PPARD: variants seen among roughly 807,000 people sequenced by gnomAD.
The protein encoded by PPARD is peroxisome proliferator activated receptor delta.
PPARD carries 6 observed loss-of-function variants against 39.5 expected under a neutral mutation model. The ratio of observed to expected loss-of-function variants is 0.15; its 90% CI spans 0.08 to 0.30. The LOEUF is 0.30. PPARD is among the 10% of genes least tolerant of loss of function. The probability of loss-of-function intolerance (pLI) is 1.00; values close to 1 mark genes in which losing one functional copy is unlikely to be tolerated. For missense variants in PPARD, 397 were observed against 596.8 expected, an observed-to-expected ratio of 0.67 and a Z score of 3.49; for synonymous variants, 210 against 231.3, an observed-to-expected ratio of 0.91 and a Z score of 0.83.
chr6:35,396,745 G>T (rs186539231), intron 2 of PPARD, among the ~76,000 whole-genome samples: 1 of 151,812 alleles, frequency 6.6e-6, no homozygotes, highest in African/African-American at 2.4e-5. Flanking sequence ...CAGGAGAATC[G>T]CTTTAACCCA....
intron 2 of PPARD, among the ~76,000 whole-genome samples, chr6:35,383,922 C>G (rs1162043310): frequency 1.1e-4 from 15 of 141,714 alleles, no homozygotes; most frequent in Non-Finnish European, 1.5e-5. Flanking sequence ...GCAGCCACCC[C>G]GTCCGGGAGG....
In PPARD at chr6:35,424,224, G is replaced by C; in HGVS notation, c.627+76G>C. 1 of 1,594,052 alleles carries C rather than the reference G, an allele frequency of 6.3e-7. No individual in the cohort carries two copies. Among genetic ancestry groups the C allele is most frequent in the South Asian group, 1.1e-5 (1 of 88,934 alleles). On this transcript the variant is annotated intron_variant, in intron 6 of 7. Coordinates refer to ENST00000360694, the MANE Select transcript of PPARD (RefSeq NM_006238.5). The surrounding 1 kb of genome is among the most constrained non-coding windows in gnomAD (Gnocchi z 7.1). ...CTGCCGCCTGCCTGACTCCGGGAGAGCCAGGCCTTCTCCCTCCCTCAACTT... is the reference window on the plus strand; with the variant it reads ...CTGCCGCCTGCCTGACTCCGGGAGACCCAGGCCTTCTCCCTCCCTCAACTT...
chr6:35,383,868 C>A (rs1763333048), intron 2 of PPARD, among the ~76,000 whole-genome samples: 2 of 147,404 alleles, frequency 1.4e-5, no homozygotes, highest in South Asian at 2.1e-4. Flanking sequence ...AGCCTCTCCG[C>A]CCGGCAGCCA....
Position 35,428,105 on chromosome 6 carries a change from G to C in PPARD, c.*2026G>C, listed in dbSNP as rs936024010. The C allele has an allele frequency of 6.6e-6, 1 of 152,652 alleles. No homozygotes were observed. Among genetic ancestry groups the C allele is most frequent in the Non-Finnish European group, 1.5e-5 (1 of 68,048 alleles). The allele number at this position is 152,652 out of a possible 1,614,324, so 9.5% of individuals were successfully genotyped here. On this transcript the variant is annotated 3_prime_UTR_variant, in exon 8 of 8. Coordinates refer to ENST00000360694, the MANE Select transcript of PPARD (RefSeq NM_006238.5). ...ATGTATATTTTTGCTAGGAGCCCCA[G>C]CTTCCTGTGTTTTTAATATAAATAG...
Position 35,366,708 on chromosome 6 carries a change from C to T in PPARD, c.-102+19558C>T, listed in dbSNP as rs1036090716. 6.6e-6 allele frequency among the ~76,000 whole-genome samples: 1 copy of T among 152,014 alleles called. No individual in the cohort carries two copies. Among genetic ancestry groups the T allele is most frequent in the Non-Finnish European group, 1.5e-5 (1 of 68,026 alleles). On this transcript the variant is annotated intron_variant, in intron 2 of 7. Coordinates refer to ENST00000360694, the MANE Select transcript of PPARD (RefSeq NM_006238.5). This position sits in a 1 kb window ranked among gnomAD's most constrained non-coding sequence, Gnocchi z 4.6. ...GTGACTACAGGCGTGTACCACCATG[C>T]CTGGCTAATTTTTCTATTTTTAGTA...
intron 2 of PPARD, among the ~76,000 whole-genome samples, chr6:35,400,664 G>A (rs756991891): frequency 1.3e-5 from 2 of 152,106 alleles, no homozygotes; most frequent in African/African-American, 2.4e-5. Flanking sequence ...GCCAGGCGTG[G>A]TGGTGCACAC....
intron 2 of PPARD, among the ~76,000 whole-genome samples, chr6:35,377,253 C>T (rs1230288236): frequency 6.6e-6 from 1 of 152,164 alleles, no homozygotes; most frequent in East Asian, 1.9e-4. Context: ...TCTTCTCGCA[C>T]ATAGGCATTT....
chr6:35,415,400 A>G (rs890347830), intron 3 of PPARD, among the ~76,000 whole-genome samples: 1 of 152,250 alleles, frequency 6.6e-6, no homozygotes, highest in Admixed American at 6.5e-5. Flanking sequence ...CTTCACAGCC[A>G]TGACAACGGC....
intron 2 of PPARD, among the ~76,000 whole-genome samples, chr6:35,351,064 C>T (rs1761219346): frequency 6.6e-6 from 1 of 151,520 alleles, no homozygotes; most frequent in Non-Finnish European, 1.5e-5. Context: ...CTCTCTCTGT[C>T]ACCCAGGCTG....
rs374775028 is a variant in PPARD at position 35,358,147 on chromosome 6, T to C, written c.-102+10997T>C. ...GTGGACCCCTAAATGCAATCCCAAG[T>C]GTCCTTATGAGTGGGGGCCAGAGAG... On this transcript the variant is annotated intron_variant, in intron 2 of 7. Transcript: ENST00000360694. Among the ~76,000 whole-genome samples the C allele has an allele frequency of 3.9e-4, 59 of 152,290 alleles. 1 individual carries two copies. The highest frequency in any genetic ancestry group is 1.4e-3 in the African/African-American group (57 of 41,556).
intron 2 of PPARD, among the ~76,000 whole-genome samples, chr6:35,378,264 T>A (rs1218084194): frequency 2.0e-5 from 3 of 152,284 alleles, no homozygotes; most frequent in Admixed American, 6.5e-5. Flanking sequence ...TTGGTGGGCA[T>A]TCAGTGTTGG....
In PPARD at chr6:35,424,427, C is replaced by T. The variant is rs746220231; in HGVS notation, c.726C>T (p.Ser242=). The T allele has an allele frequency of 5.0e-6, 8 of 1,614,050 alleles. No individual in the cohort carries two copies. Among genetic ancestry groups the T allele is most frequent in the Admixed American group, 3.3e-5 (2 of 59,992 alleles). Residue 242 remains serine, a synonymous_variant, in exon 7 of 8, where the codon AGC becomes AGT. Coordinates refer to ENST00000360694, the MANE Select transcript of PPARD (RefSeq NM_006238.5). This position sits in a 1 kb window ranked among gnomAD's most constrained non-coding sequence, Gnocchi z 7.1. Reference sequence around the variant, plus strand: ...GCCTGCCTCCCTACAAGGAGATCAGCGTGCACGTCTTCTACCGCTGCCAGT... The same window carrying T: ...GCCTGCCTCCCTACAAGGAGATCAGTGTGCACGTCTTCTACCGCTGCCAGT... The part of the protein sequence containing the change: ...VNGLPPYKEI[S]VHVFYRCQCT...
chr6:35,380,459 GTTTTTTTTTTTTGTTTGTTTTTTTTTTT>G (rs1304112145), intron 2 of PPARD, among the ~76,000 whole-genome samples: 13 of 97,156 alleles, frequency 1.3e-4, no homozygotes, highest in Non-Finnish European at 8.4e-5. Context: ...TTAACCTCGT[GTTTTTTTTTTTTGTTTGTTTTTTTTTTT>G]TTTTTTTTTT....
At chr6:35,403,110 A>G (rs935564875) in intron 2 of PPARD, among the ~76,000 whole-genome samples, 2 of 152,184 alleles carry the variant, frequency 1.3e-5, no homozygotes, top group Non-Finnish European at 2.9e-5. Context: ...TCTCCCCACA[A>G]TTGATGGTGA....
Position 35,401,320 on chromosome 6 carries a change from C to T in PPARD, c.-101-9667C>T, listed in dbSNP as rs1172176410. On this transcript the variant is annotated intron_variant, in intron 2 of 7. Coordinates refer to ENST00000360694, the MANE Select transcript of PPARD (RefSeq NM_006238.5). This position sits in a 1 kb window ranked among gnomAD's most constrained non-coding sequence, Gnocchi z 4.1. The stretch of plus-strand genomic sequence containing the variant: ...GACTCCCTTGCCAGGTTTGCTGTAA[C>T]TATTGCTCCTCCGAGCCTGGCTGAA... Among the ~76,000 whole-genome samples, 1 of 152,182 alleles carries T rather than the reference C, an allele frequency of 6.6e-6. No homozygotes were observed. Among genetic ancestry groups the T allele is most frequent in the Non-Finnish European group, 1.5e-5 (1 of 68,034 alleles).
chr6:35,399,818 T>G (rs959558565), intron 2 of PPARD, among the ~76,000 whole-genome samples: 4 of 152,264 alleles, frequency 2.6e-5, no homozygotes, highest in African/African-American at 9.6e-5. Flanking sequence ...TATTTTTCAC[T>G]TATGTTATTA....
chr6:35,422,868 AATTG>A (rs759881950), intron 5 of PPARD, among the ~76,000 whole-genome samples: 54 of 152,118 alleles, frequency 3.5e-4, no homozygotes, highest in Non-Finnish European at 7.8e-4. Context: ...ATTCTTATTT[AATTG>A]ATCTAATAAC....
At chr6:35,383,628 G>A (rs1211835466) in intron 2 of PPARD, among the ~76,000 whole-genome samples, 1 of 133,728 alleles carries the variant, frequency 7.5e-6, no homozygotes, top group Non-Finnish European at 1.5e-5. Flanking sequence ...AAGGAGGAGC[G>A]TCTCTGCCCG....
chr6:35,354,880 G>A (rs1236385211), intron 2 of PPARD, among the ~76,000 whole-genome samples: 2 of 152,210 alleles, frequency 1.3e-5, no homozygotes, highest in African/African-American at 4.8e-5. Flanking sequence ...AGGCCTGAGT[G>A]GATTTTGTGC....
Sources: allele counts gnomAD v4.1 joint callset (sites outside exome capture counted in the v4.1 genomes callset), GRCh38; gene constraint gnomAD v4.1.1; non-coding constraint Gnocchi (gnomAD v3.1); transcripts MANE v1.5; gene names NCBI Gene and HGNC (gene_info 2026-07-23, HGNC 2026-07-21).